The following DDX10 variants were observed in gnomAD, a reference collection of about 807,000 sequenced individuals.
DDX10 encodes the protein probable ATP-dependent RNA helicase DDX10.
DDX10 carries 74 observed loss-of-function variants against 104.3 expected under a neutral mutation model. The observed-to-expected ratio is 0.71, with a 90% CI of 0.59 to 0.86. The LOEUF is 0.86. Ranked by LOEUF, DDX10 falls within the 40% of genes least tolerant of loss-of-function variation. The pLI is 0.00. For synonymous variants in DDX10, 351 were observed against 353.4 expected, an observed-to-expected ratio of 0.99 and a Z score of 0.08; for missense variants, 952 against 1,040.0, an observed-to-expected ratio of 0.92 and a Z score of 1.16.
intron 16 of DDX10, among the ~76,000 whole-genome samples, chr11:108,864,612 C>A (rs1212681765): frequency 1.3e-5 from 2 of 151,874 alleles, no homozygotes; most frequent in Non-Finnish European, 2.9e-5. Flanking sequence ...TAGCTGGAAC[C>A]ACACCTGGAT....
At chr11:108,891,805 C>A (rs910053473) in intron 16 of DDX10, among the ~76,000 whole-genome samples, 1 of 152,096 alleles carries the variant, frequency 6.6e-6, no homozygotes, top group Non-Finnish European at 1.5e-5. Context: ...TTGTGAGCAG[C>A]AGGCATGGAG....
intron 17 of DDX10, among the ~76,000 whole-genome samples, chr11:108,926,373 TG>T (rs1368636903): frequency 6.6e-6 from 1 of 152,162 alleles, no homozygotes; most frequent in Non-Finnish European, 1.5e-5. Context: ...CAAATGGCGT[TG>T]TAGATATTTT....
At chr11:108,832,859 A>T (rs1335362629) in intron 13 of DDX10, among the ~76,000 whole-genome samples, 2 of 152,204 alleles carry the variant, frequency 1.3e-5, no homozygotes, top group East Asian at 1.9e-4. Context: ...TAATTGCTGG[A>T]GGTAACTCTT....
At chr11:108,870,208 A>G (rs1266066221) in intron 16 of DDX10, among the ~76,000 whole-genome samples, 1 of 152,170 alleles carries the variant, frequency 6.6e-6, no homozygotes, top group African/African-American at 2.4e-5. Flanking sequence ...TATCCCTATC[A>G]TCCAAGTCAC....
At chr11:108,772,780 T>C (rs1419506968) in intron 13 of DDX10, among the ~76,000 whole-genome samples, 1 of 152,204 alleles carries the variant, frequency 6.6e-6, no homozygotes, top group Non-Finnish European at 1.5e-5. Flanking sequence ...CGATCCCTAT[T>C]GTGAACTGCA....
In DDX10 at chr11:108,669,469, G is replaced by A. The variant is rs187203630; in HGVS notation, c.187-3998G>A. Among the ~76,000 whole-genome samples the A allele has an allele frequency of 6.6e-5, 10 of 152,278 alleles. No individual in the cohort carries two copies. The East Asian group carries it at 1.9e-3, about 29-fold the overall frequency. On this transcript the variant is annotated intron_variant, in intron 1 of 17. Coordinates refer to ENST00000322536, the MANE Select transcript of DDX10 (RefSeq NM_004398.4). The stretch of plus-strand genomic sequence containing the variant: ...GATGTTCTAGGTGGAGGGAACATGG[G>A]GAAATACAGAGAGGTGAAAATGCAT...
chr11:108,681,103 T>C (rs1368000917), intron 6 of DDX10, among the ~76,000 whole-genome samples: 1 of 152,218 alleles, frequency 6.6e-6, no homozygotes, highest in Non-Finnish European at 1.5e-5. Flanking sequence ...GCCTCCAGCC[T>C]ATTTTTAATA....
Position 108,678,301 on chromosome 11 carries a change from A to G in DDX10, c.538-14A>G, listed in dbSNP as rs1172425541. The G allele has an allele frequency of 1.2e-6, 2 of 1,606,448 alleles. No homozygotes were observed. The highest frequency in any genetic ancestry group is 1.7e-6 in the Non-Finnish European group (2 of 1,177,568). On this transcript the variant is annotated splice_polypyrimidine_tract_variant and intron_variant, in intron 4 of 17. Transcript: ENST00000322536. ...TGATGTGTCTGTGTAATCAAAATAA[A>G]TAACTGTTTTCAGGATCTAAAACAC...
intron 17 of DDX10, among the ~76,000 whole-genome samples, chr11:108,932,737 A>C (rs1463530593): frequency 1.3e-5 from 2 of 152,008 alleles, no homozygotes; most frequent in African/African-American, 4.8e-5. Context: ...TTATGAGTTG[A>C]GAATTTGCTT....
intron 17 of DDX10, among the ~76,000 whole-genome samples, chr11:108,937,322 A>G (rs1308872021): frequency 1.3e-5 from 2 of 152,226 alleles, no homozygotes; most frequent in African/African-American, 4.8e-5. Context: ...TGGTGTAACT[A>G]CAAGTATCTG....
intron 9 of DDX10, among the ~76,000 whole-genome samples, chr11:108,698,131 G>A (rs1425170600): frequency 6.6e-6 from 1 of 152,154 alleles, no homozygotes; most frequent in Non-Finnish European, 1.5e-5. Flanking sequence ...AGAGGAAGAT[G>A]GCCACTAGTT....
intron 13 of DDX10, among the ~76,000 whole-genome samples, chr11:108,745,296 A>G (rs1039737126): frequency 4.8e-5 from 7 of 144,632 alleles, no homozygotes; most frequent in Non-Finnish European, 7.5e-5. Flanking sequence ...TCTGTCACCC[A>G]GGCTGGAGTG....
intron 12 of DDX10, among the ~76,000 whole-genome samples, chr11:108,720,381 T>C (rs1394450534): frequency 2.0e-5 from 3 of 152,208 alleles, no homozygotes; most frequent in Non-Finnish European, 4.4e-5. Context: ...TGGATTACCA[T>C]AGACATTTTA....
intron 16 of DDX10, among the ~76,000 whole-genome samples, chr11:108,898,269 A>G (rs1863466821): frequency 6.6e-6 from 1 of 152,004 alleles, no homozygotes; most frequent in African/African-American, 2.4e-5. Context: ...AAGAATGACA[A>G]AAGCCCGCTA....
At chr11:108,924,042 A>G (rs896088693) in intron 17 of DDX10, among the ~76,000 whole-genome samples, 2 of 152,080 alleles carry the variant, frequency 1.3e-5, no homozygotes, top group African/African-American at 2.4e-5. Context: ...AGTAGCATTT[A>G]TCATGTTTGG....
chr11:108,753,714 A>C (rs577791226), intron 13 of DDX10, among the ~76,000 whole-genome samples: 9 of 152,198 alleles, frequency 5.9e-5, no homozygotes, highest in African/African-American at 1.7e-4. Context: ...AGTATTGGAC[A>C]CAATGGCAAA....
At chr11:108,824,827 T>A (rs1442970788) in intron 13 of DDX10, among the ~76,000 whole-genome samples, 1 of 152,116 alleles carries the variant, frequency 6.6e-6, no homozygotes, top group Non-Finnish European at 1.5e-5. Context: ...CAAATACATA[T>A]TTCCCAGCCA....
At chr11:108,786,258 C>T (rs1861789128) in intron 13 of DDX10, among the ~76,000 whole-genome samples, 2 of 151,892 alleles carry the variant, frequency 1.3e-5, no homozygotes, top group Non-Finnish European at 1.5e-5. Context: ...CTGAAACTTG[C>T]TTTAAGACTC....
At chr11:108,708,275 A>T (rs2094279307) in intron 10 of DDX10, among the ~76,000 whole-genome samples, 1 of 149,554 alleles carries the variant, frequency 6.7e-6, no homozygotes. Context: ...TTTTTTTTTA[A>T]AATCTGATGA....
Sources: gnomAD v4.1 joint callset for allele counts (sites outside exome capture counted in the v4.1 genomes callset) on GRCh38, gnomAD v4.1.1 for gene constraint, MANE v1.5 for transcripts, NCBI Gene and HGNC (gene_info 2026-07-23, HGNC 2026-07-21) for gene names.